PPP2R2B: variants seen among roughly 807,000 people sequenced by gnomAD.
The protein encoded by PPP2R2B is serine/threonine-protein phosphatase 2A 55 kDa regulatory subunit B beta isoform.
In PPP2R2B, 5 loss-of-function variants were observed where a neutral mutation model predicts 46.0. The ratio of observed to expected loss-of-function variants is 0.11; its 90% CI spans 0.06 to 0.23. The LOEUF is 0.23. PPP2R2B is among the 10% of genes least tolerant of loss of function. The probability of loss-of-function intolerance (pLI) is 1.00; values close to 1 mark genes in which losing one functional copy is unlikely to be tolerated. For missense variants in PPP2R2B, 367 were observed against 575.0 expected, an observed-to-expected ratio of 0.64 and a Z score of 3.70; for synonymous variants, 215 against 206.7, an observed-to-expected ratio of 1.04 and a Z score of -0.34.
intron 1 of PPP2R2B, among the ~76,000 whole-genome samples, chr5:146,935,605 A>G (rs916857035): frequency 2.6e-5 from 4 of 152,110 alleles, no homozygotes; most frequent in Admixed American, 2.0e-4. Context: ...GTCAGGAAAT[A>G]TATTCCCTGA....
At chr5:146,839,126 T>C (rs1181862571) in intron 2 of PPP2R2B, among the ~76,000 whole-genome samples, 2 of 152,214 alleles carry the variant, frequency 1.3e-5, no homozygotes, top group Non-Finnish European at 2.9e-5. Flanking sequence ...TCAGATATCA[T>C]GTGCCTACCT....
intron 1 of PPP2R2B, among the ~76,000 whole-genome samples, chr5:146,987,383 A>T (rs1224305600): frequency 6.6e-6 from 1 of 152,140 alleles, no homozygotes; most frequent in Non-Finnish European, 1.5e-5. Flanking sequence ...TAGTGTAAGT[A>T]CCAAAAGATA....
chr5:147,036,650 T>C (rs1756051856), intron 1 of PPP2R2B, among the ~76,000 whole-genome samples: 1 of 152,188 alleles, frequency 6.6e-6, no homozygotes, highest in African/African-American at 2.4e-5. Context: ...AAAGCATTCC[T>C]TGTTCTCCAC....
chr5:146,902,579 G>A (rs1175222491), intron 1 of PPP2R2B, among the ~76,000 whole-genome samples: 1 of 152,062 alleles, frequency 6.6e-6, no homozygotes, highest in South Asian at 2.1e-4. Context: ...ACTACACACG[G>A]CCTCGTTAAA....
chr5:146,994,708 G>C (rs1355353728), intron 1 of PPP2R2B, among the ~76,000 whole-genome samples: 2 of 152,142 alleles, frequency 1.3e-5, no homozygotes, highest in African/African-American at 4.8e-5. Context: ...CAACACTTCA[G>C]ATGCTGATGT....
At chr5:146,991,233 AG>A (rs1375852938) in intron 1 of PPP2R2B, among the ~76,000 whole-genome samples, 1 of 152,218 alleles carries the variant, frequency 6.6e-6, no homozygotes, top group Non-Finnish European at 1.5e-5. Flanking sequence ...ACATATACAA[AG>A]GAAATGAAAT....
rs1470442872 is a variant in PPP2R2B, at chr5:146,586,294, AG to A, written c.*3652del. 3 of 152,236 alleles carry A rather than the reference AG, an allele frequency of 2.0e-5. No individual in the cohort carries two copies. The highest frequency in any genetic ancestry group is 4.4e-5 in the Non-Finnish European group (3 of 68,060). The allele number at this position is 152,236 out of a possible 1,614,324, so 9.4% of individuals were successfully genotyped here. On this transcript the variant is annotated 3_prime_UTR_variant, in exon 10 of 10. Transcript: ENST00000394411. ...CATCACGGAAGAGGGAAAATTAGTA[AG>A]GGTTCCACCATTCAGGCTGTGGACT...
chr5:146,838,570 C>CA (rs67308237), intron 2 of PPP2R2B, among the ~76,000 whole-genome samples: 25,287 of 96,882 alleles, frequency 0.26, 2,746 homozygotes, highest in East Asian at 0.46. Context: ...GCCTCCATCT[C>CA]AAAAAAAAAA....
intron 9 of PPP2R2B, 121 bp from the exon 10 acceptor site, chr5:146,590,347 A>G (rs914101516): frequency 9.9e-7 from 1 of 1,006,784 alleles, no homozygotes. Flanking sequence ...AAAACCAAAA[A>G]ATGAGAACAG....
intron 1 of PPP2R2B, among the ~76,000 whole-genome samples, chr5:146,951,347 C>A (rs773230714): frequency 6.6e-6 from 1 of 151,114 alleles, no homozygotes; most frequent in Non-Finnish European, 1.5e-5. Flanking sequence ...GTTCCTCATG[C>A]CTTTTTTTTT....
intron 7 of PPP2R2B, among the ~76,000 whole-genome samples, chr5:146,627,971 G>A (rs1247833491): frequency 6.6e-6 from 1 of 151,114 alleles, no homozygotes; most frequent in East Asian, 1.9e-4. Context: ...TTGAGATGGA[G>A]TCTCGCTCTA....
chr5:147,020,892 A>T (rs931412127), intron 1 of PPP2R2B, among the ~76,000 whole-genome samples: 3 of 152,196 alleles, frequency 2.0e-5, no homozygotes, highest in Admixed American at 2.0e-4. Flanking sequence ...AAAGTATTTT[A>T]GTTCGAGAAC....
chr5:146,642,742 T>C (rs1775301275), intron 6 of PPP2R2B, among the ~76,000 whole-genome samples: 1 of 152,206 alleles, frequency 6.6e-6, no homozygotes, highest in African/African-American at 2.4e-5. Context: ...TTTCTTTTAA[T>C]AAAGTTGTAT....
At chr5:147,049,537 TG>T (rs1756701185) in intron 1 of PPP2R2B, among the ~76,000 whole-genome samples, 1 of 151,982 alleles carries the variant, frequency 6.6e-6, no homozygotes, top group South Asian at 2.1e-4. Flanking sequence ...CCCATAGGAG[TG>T]GATGAGATCA....
chr5:146,922,764 A>G (rs771892360), intron 1 of PPP2R2B, among the ~76,000 whole-genome samples: 1 of 152,038 alleles, frequency 6.6e-6, no homozygotes. Flanking sequence ...AGCACATCCC[A>G]TTGGCTTTGC....
chr5:146,636,472 C>T (rs1011635938), intron 7 of PPP2R2B, among the ~76,000 whole-genome samples: 2 of 152,178 alleles, frequency 1.3e-5, no homozygotes, highest in African/African-American at 2.4e-5. Flanking sequence ...CTGTTGTGGT[C>T]AGCACCTCCC....
chr5:146,732,884 T>C (rs901767554), intron 2 of PPP2R2B, among the ~76,000 whole-genome samples: 5 of 152,220 alleles, frequency 3.3e-5, no homozygotes, highest in Admixed American at 6.5e-5. Flanking sequence ...ATACAACTTG[T>C]TCAAGACCAC....
At chr5:146,696,729 T>G (rs1173157998) in intron 4 of PPP2R2B, among the ~76,000 whole-genome samples, 1 of 152,192 alleles carries the variant, frequency 6.6e-6, no homozygotes, top group African/African-American at 2.4e-5. Flanking sequence ...TGAGTAGAGA[T>G]CTGGTCATGA....
chr5:146,665,984 G>C (rs7736221), intron 5 of PPP2R2B, among the ~76,000 whole-genome samples: 26,778 of 152,190 alleles, frequency 0.18, 2,824 homozygotes, highest in East Asian at 0.36. Flanking sequence ...CATACTATCT[G>C]TGAAGCACAA....
Sources: gnomAD v4.1 joint callset for allele counts (sites outside exome capture counted in the v4.1 genomes callset) on GRCh38, gnomAD v4.1.1 for gene constraint, MANE v1.5 for transcripts, NCBI Gene and HGNC (gene_info 2026-07-23, HGNC 2026-07-21) for gene names.